The following TENM3 variants were observed in gnomAD, a reference collection of about 807,000 sequenced individuals.
TENM3 encodes the protein teneurin-3.
In TENM3, 63 loss-of-function variants were observed where a neutral mutation model predicts 255.1. The ratio of observed to expected loss-of-function variants is 0.25; its 90% CI spans 0.20 to 0.30. TENM3 has a LOEUF of 0.30. Among genes scored for constraint, TENM3 ranks in the 10% least tolerant of loss-of-function variants. TENM3 has a pLI of 1.00. For missense variants in TENM3, 2,929 were observed against 3,461.1 expected, an observed-to-expected ratio of 0.85 and a Z score of 3.86; for synonymous variants, 1,306 against 1,322.3, an observed-to-expected ratio of 0.99 and a Z score of 0.27.
intron 11 of TENM3, among the ~76,000 whole-genome samples, chr4:182,684,588 C>G (rs1269855606): frequency 1.3e-5 from 2 of 152,032 alleles, no homozygotes; most frequent in Admixed American, 1.3e-4. Flanking sequence ...CTTAAATGAG[C>G]TAGTATGTGA....
chr4:181,748,019 G>T, the TENM3 span, among the ~76,000 whole-genome samples: 1 of 151,700 alleles, frequency 6.6e-6, no homozygotes, highest in Non-Finnish European at 1.5e-5. Context: ...GCTAATTATT[G>T]TACCACTCTA....
the TENM3 span, among the ~76,000 whole-genome samples, chr4:181,592,066 G>A: frequency 3.3e-5 from 5 of 152,230 alleles, no homozygotes; most frequent in Admixed American, 1.3e-4. Context: ...TAGGAAGAGC[G>A]ACTGCAAAGG....
chr4:182,679,626 C>G (rs887479013), intron 7 of TENM3, 40 bp from the exon 8 acceptor site: 1 of 1,507,128 alleles, frequency 6.6e-7, no homozygotes. Context: ...AAGCAGCCAC[C>G]CTTTATCTTT....
chr4:182,608,114 C>G (rs186939271), intron 4 of TENM3, among the ~76,000 whole-genome samples: 1 of 152,130 alleles, frequency 6.6e-6, no homozygotes, highest in Non-Finnish European at 1.5e-5. Flanking sequence ...TGTCTCAGTC[C>G]TCTTTACTTG....
At chr4:182,267,247 A>C (rs1021131846) in intron 1 of TENM3, among the ~76,000 whole-genome samples, 1 of 152,194 alleles carries the variant, frequency 6.6e-6, no homozygotes, top group Non-Finnish European at 1.5e-5. Context: ...AACAAAATTT[A>C]AGGCATATTT....
At chr4:181,565,660 T>G in the TENM3 span, among the ~76,000 whole-genome samples, 1 of 152,190 alleles carries the variant, frequency 6.6e-6, no homozygotes, top group Non-Finnish European at 1.5e-5. Flanking sequence ...ATGTACTAGG[T>G]GTACACTTTA....
the TENM3 span, among the ~76,000 whole-genome samples, chr4:181,886,130 G>A: frequency 7.0e-6 from 1 of 142,600 alleles, no homozygotes; most frequent in Admixed American, 7.4e-5. Context: ...GCCACTCACT[G>A]CAACCTCCGC....
chr4:182,787,367 C>G lies in TENM3; in HGVS notation c.5305-1726C>G, dbSNP rs776053073. The stretch of plus-strand genomic sequence containing the variant: ...TCTTGGGTTCCTCCCCCAACCACCA[C>G]TCCGGACTATCTGCTGTGACACGGT... On this transcript the variant is annotated intron_variant, in intron 24 of 27. Transcript: ENST00000511685. Among the ~76,000 whole-genome samples, 27 of 152,326 alleles carry G rather than the reference C, an allele frequency of 1.8e-4. No homozygotes were observed. The Middle Eastern group carries it at 0.01, about 58-fold the overall frequency.
intron 2 of TENM3, among the ~76,000 whole-genome samples, chr4:182,334,306 CA>C (rs1267768890): frequency 1.3e-5 from 2 of 152,008 alleles, no homozygotes; most frequent in East Asian, 3.9e-4. Context: ...AATAAATAAT[CA>C]ATGTTTTTGG....
chr4:182,582,622 A>G (rs986145881), intron 3 of TENM3, among the ~76,000 whole-genome samples: 2 of 151,972 alleles, frequency 1.3e-5, no homozygotes, highest in Admixed American at 1.3e-4. Context: ...AAAAAAAAAC[A>G]TATAAAATAG....
the TENM3 span, among the ~76,000 whole-genome samples, chr4:182,064,664 G>C: frequency 6.6e-6 from 1 of 152,132 alleles, no homozygotes; most frequent in Non-Finnish European, 1.5e-5. Flanking sequence ...TGTCATGAAA[G>C]CAGGGCTTAG....
intron 1 of TENM3, among the ~76,000 whole-genome samples, chr4:182,212,471 A>G (rs779024665): frequency 3.9e-5 from 6 of 152,058 alleles, no homozygotes; most frequent in Non-Finnish European, 8.8e-5. Context: ...CAGGGCTCTG[A>G]CTAATAATAA....
At chr4:181,471,425 A>G in the TENM3 span, among the ~76,000 whole-genome samples, 1 of 152,200 alleles carries the variant, frequency 6.6e-6, no homozygotes, top group African/African-American at 2.4e-5. Flanking sequence ...AAGACTCAGG[A>G]ACTGGAGCCA....
the TENM3 span, among the ~76,000 whole-genome samples, chr4:181,643,626 A>G: frequency 4.8e-3 from 737 of 152,290 alleles, 3 homozygotes; most frequent in African/African-American, 0.017. Flanking sequence ...CACAGACAAG[A>G]TCTACACCAG....
intron 3 of TENM3, among the ~76,000 whole-genome samples, chr4:182,494,099 T>G (rs988216853): frequency 3.3e-5 from 5 of 152,170 alleles, no homozygotes; most frequent in African/African-American, 1.2e-4. Context: ...AATTTCCTAT[T>G]TTTTGCCAAG....
At chr4:182,034,459 A>G in the TENM3 span, among the ~76,000 whole-genome samples, 2 of 152,064 alleles carry the variant, frequency 1.3e-5, no homozygotes, top group Non-Finnish European at 2.9e-5. Context: ...AGATTTGTTG[A>G]TGTAGTTGCT....
chr4:182,232,222 G>A (rs1031950383), intron 1 of TENM3, among the ~76,000 whole-genome samples: 1 of 152,134 alleles, frequency 6.6e-6, no homozygotes, highest in African/African-American at 2.4e-5. Context: ...ATTCAGGGCC[G>A]TAACTCTCAC....
At chr4:182,525,985 T>C (rs868576013) in intron 3 of TENM3, among the ~76,000 whole-genome samples, 7 of 152,158 alleles carry the variant, frequency 4.6e-5, no homozygotes, top group Admixed American at 6.5e-5. Flanking sequence ...TCCTTTTTTG[T>C]TTTTGTTTTT....
At chr4:182,662,368 A>G (rs1161549497) in intron 6 of TENM3, among the ~76,000 whole-genome samples, 2 of 152,190 alleles carry the variant, frequency 1.3e-5, no homozygotes, top group South Asian at 2.1e-4. Context: ...CGTTGAAAAA[A>G]ACCTTCAAGA....
Sources: gnomAD v4.1 joint callset for allele counts (sites outside exome capture counted in the v4.1 genomes callset) on GRCh38, gnomAD v4.1.1 for gene constraint, MANE v1.5 for transcripts, NCBI Gene and HGNC (gene_info 2026-07-23, HGNC 2026-07-21) for gene names.